The following CACNA1E variants were observed in gnomAD, a reference collection of about 807,000 sequenced individuals.
CACNA1E encodes the protein calcium voltage-gated channel subunit alpha1 E.
A neutral mutation model predicts 259.2 loss-of-function variants in CACNA1E; 40 were observed. The observed-to-expected ratio is 0.15, with a 90% CI of 0.12 to 0.20. The LOEUF (loss-of-function observed/expected upper bound fraction) is 0.20, where lower values mean the gene tolerates loss of function less well. Ranked by LOEUF, CACNA1E falls within the 10% of genes least tolerant of loss-of-function variation. The pLI, the probability that CACNA1E is intolerant of heterozygous loss-of-function variation, is 1.00. For missense variants in CACNA1E, 1,874 were observed against 3,040.1 expected, an observed-to-expected ratio of 0.62 and a Z score of 9.02; for synonymous variants, 1,104 against 1,138.5, an observed-to-expected ratio of 0.97 and a Z score of 0.61.
intron 1 of CACNA1E, among the ~76,000 whole-genome samples, chr1:181,408,541 C>A (rs1467473111): frequency 6.6e-6 from 1 of 152,100 alleles, no homozygotes; most frequent in Non-Finnish European, 1.5e-5. Flanking sequence ...AGGCTATGAG[C>A]TCGAGTGTTT....
At chr1:181,514,978 G>A (rs1267276130) in intron 3 of CACNA1E, among the ~76,000 whole-genome samples, 1 of 152,120 alleles carries the variant, frequency 6.6e-6, no homozygotes, top group Non-Finnish European at 1.5e-5. Flanking sequence ...TGAAGAAACC[G>A]AGGATCAGAG....
intron 1 of CACNA1E, among the ~76,000 whole-genome samples, chr1:181,350,681 G>T (rs532526960): frequency 6.6e-6 from 1 of 152,288 alleles, no homozygotes; most frequent in South Asian, 2.1e-4. Flanking sequence ...TTTCCACCCA[G>T]ACTGGGGCTC....
intron 43 of CACNA1E, among the ~76,000 whole-genome samples, chr1:181,787,732 GGGTT>G (rs1310808844): frequency 6.6e-6 from 1 of 152,168 alleles, no homozygotes; most frequent in Non-Finnish European, 1.5e-5. Flanking sequence ...CTCAGTTTGA[GGGTT>G]TAGAGAGTCC....
At chr1:181,399,954 AG>A (rs1656973155) in intron 1 of CACNA1E, among the ~76,000 whole-genome samples, 1 of 152,232 alleles carries the variant, frequency 6.6e-6, no homozygotes, top group Non-Finnish European at 1.5e-5. Context: ...ATTACAGGTG[AG>A]GCCCTAAGTG....
At chr1:181,662,217 A>G (rs1354881324) in intron 7 of CACNA1E, among the ~76,000 whole-genome samples, 3 of 152,180 alleles carry the variant, frequency 2.0e-5, no homozygotes, top group East Asian at 1.9e-4. Context: ...TGAAAATTGT[A>G]TCTTAGGGTG....
chr1:181,516,343 CCACACACACACACACA>C (rs3080529), intron 3 of CACNA1E, among the ~76,000 whole-genome samples: 15 of 143,330 alleles, frequency 1.0e-4, no homozygotes, highest in African/African-American at 1.6e-4. Context: ...GTGCCAAAGA[CCACACACACACACACA>C]CACACACACA....
chr1:181,456,947 C>T (rs1213646235), intron 2 of CACNA1E, among the ~76,000 whole-genome samples: 1 of 152,188 alleles, frequency 6.6e-6, no homozygotes, highest in East Asian at 1.9e-4. Context: ...TTTAAGACTG[C>T]CTGTTTGAGA....
chr1:181,345,088 A>C (rs893033647), intron 1 of CACNA1E, among the ~76,000 whole-genome samples: 2 of 152,228 alleles, frequency 1.3e-5, no homozygotes, highest in African/African-American at 4.8e-5. Context: ...CCACCTCAAC[A>C]GAGGTGCCAG....
intron 6 of CACNA1E, among the ~76,000 whole-genome samples, chr1:181,604,976 G>A: frequency 6.6e-6 from 1 of 152,184 alleles, no homozygotes; most frequent in East Asian, 1.9e-4. Flanking sequence ...CTCTGAGTCA[G>A]GAGGAGGAAC....
intron 6 of CACNA1E, among the ~76,000 whole-genome samples, chr1:181,587,302 G>A (rs1652164689): frequency 6.6e-6 from 1 of 152,196 alleles, no homozygotes; most frequent in Non-Finnish European, 1.5e-5. Flanking sequence ...GCATTGGGTT[G>A]CTGGGCAGCT....
chr1:181,655,694 G>A (rs887225044), intron 7 of CACNA1E, among the ~76,000 whole-genome samples: 8 of 152,176 alleles, frequency 5.3e-5, no homozygotes, highest in Non-Finnish European at 8.8e-5. Flanking sequence ...TTCCCAGGGC[G>A]ATGAACGGAA....
At chr1:181,723,411 A>T (rs991161339) in intron 16 of CACNA1E, among the ~76,000 whole-genome samples, 1 of 152,182 alleles carries the variant, frequency 6.6e-6, no homozygotes, top group African/African-American at 2.4e-5. Context: ...GAACAAACTC[A>T]AAGTGCTTTT....
chr1:181,323,181 A>G (rs1160809520), intron 1 of CACNA1E, among the ~76,000 whole-genome samples: 3 of 152,168 alleles, frequency 2.0e-5, no homozygotes, highest in African/African-American at 7.2e-5. Flanking sequence ...CCCCTTTCTC[A>G]TGAACCAAAT....
At chr1:181,676,134 C>G (rs921021552) in intron 7 of CACNA1E, among the ~76,000 whole-genome samples, 3 of 152,140 alleles carry the variant, frequency 2.0e-5, no homozygotes, top group African/African-American at 7.2e-5. Context: ...TGTCCCAGAG[C>G]TGTGCGAGGC....
chr1:181,745,673 C>T (rs1447223001), intron 25 of CACNA1E, among the ~76,000 whole-genome samples: 2 of 152,166 alleles, frequency 1.3e-5, no homozygotes, highest in African/African-American at 4.8e-5. Context: ...TCCACATGCA[C>T]AGGGGCACAG....
At chr1:181,718,457 G>A (rs548753574) in intron 12 of CACNA1E, among the ~76,000 whole-genome samples, 1 of 152,124 alleles carries the variant, frequency 6.6e-6, no homozygotes, top group Non-Finnish European at 1.5e-5. Flanking sequence ...GCTACCCATA[G>A]CCAGAGTTTT....
chr1:181,562,354 A>C (rs1458042348), intron 3 of CACNA1E, among the ~76,000 whole-genome samples: 1 of 152,136 alleles, frequency 6.6e-6, no homozygotes, highest in African/African-American at 2.4e-5. Context: ...GTGTTGTCTT[A>C]ATTGGAATTT....
Position 181,733,412 on chromosome 1 carries a change from GCTCTCTCTTC to G in CACNA1E, c.2949-14_2949-5del, listed in dbSNP as rs1655707414. 1.3e-6 allele frequency: 2 copies of G among 1,487,370 alleles called. No homozygotes were observed. The highest frequency in any genetic ancestry group is 1.8e-6 in the Non-Finnish European group (2 of 1,115,950). 92.1% of individuals were successfully genotyped at this position (1,487,370 alleles called of 1,614,324 possible). ...ATTTGGGGACAGCGTCTGAGCACCA[GCTCTCTCTTC>G]CTCTCTCTTCACAGGACCAACAGTC... On this transcript the variant is annotated splice_polypyrimidine_tract_variant and intron_variant, in intron 20 of 47. Transcript: ENST00000367573.
At chr1:181,618,769 C>T (rs1002456531) in intron 6 of CACNA1E, among the ~76,000 whole-genome samples, 2 of 152,164 alleles carry the variant, frequency 1.3e-5, no homozygotes, top group Non-Finnish European at 2.9e-5. Flanking sequence ...ATTCCCAGCA[C>T]CTAATTCAGT....
Sources: gnomAD v4.1 joint callset for allele counts (sites outside exome capture counted in the v4.1 genomes callset) on GRCh38, gnomAD v4.1.1 for gene constraint, MANE v1.5 for transcripts, NCBI Gene and HGNC (gene_info 2026-07-23, HGNC 2026-07-21) for gene names.